TTC8: variants seen among roughly 807,000 people sequenced by gnomAD.
The protein encoded by TTC8 is tetratricopeptide repeat protein 8.
A neutral mutation model predicts 72.5 loss-of-function variants in TTC8; 47 were observed. The ratio of observed to expected loss-of-function variants is 0.65; its 90% confidence interval spans 0.51 to 0.83. The LOEUF (loss-of-function observed/expected upper bound fraction) is 0.83, where lower values mean the gene tolerates loss of function less well. Ranked by LOEUF, TTC8 falls within the 40% of genes least tolerant of loss-of-function variation. The pLI is 0.00. For missense variants in TTC8, 611 were observed against 623.2 expected (o/e 0.98, Z 0.21); for synonymous variants, 199 against 221.4 (o/e 0.90, Z 0.90).
At chr14:88,833,938 T>G in intron 2 of TTC8, 1 of 574,168 alleles carries the variant, frequency 1.7e-6, no homozygotes, top group Non-Finnish European at 3.1e-6. Context: ...AATAATGCAG[T>G]CTACTCATTG....
chr14:88,837,106 G>A (rs1326357847), intron 2 of TTC8: 1 of 233,032 alleles, frequency 4.3e-6, no homozygotes, highest in Non-Finnish European at 8.7e-6. Context: ...ATTTAGGTAG[G>A]ACTCCAAATC....
At chr14:88,833,620 T>A in intron 1 of TTC8, 73 bp from the exon 2 acceptor site, 1 of 1,356,550 alleles carries the variant, frequency 7.4e-7, no homozygotes, top group South Asian at 1.2e-5. Context: ...AAATACTTGG[T>A]TGGTCCTTAG....
intron 1 of TTC8, among the ~76,000 whole-genome samples, chr14:88,833,256 C>T (rs950056977): frequency 7.9e-5 from 12 of 151,664 alleles, no homozygotes; most frequent in African/African-American, 2.9e-4. Flanking sequence ...ACAGAAAAAC[C>T]CAGATGCTGA....
At chr14:88,872,924 T>C (rs908834290) in intron 13 of TTC8, among the ~76,000 whole-genome samples, 1 of 152,180 alleles carries the variant, frequency 6.6e-6, no homozygotes, top group Non-Finnish European at 1.5e-5. Flanking sequence ...ACTGCTCTCA[T>C]CTCTTGCATG....
intron 10 of TTC8, among the ~76,000 whole-genome samples, chr14:88,868,722 G>A (rs2094921336): frequency 6.6e-6 from 1 of 152,184 alleles, no homozygotes; most frequent in South Asian, 2.1e-4. Context: ...ACTCTTGGGA[G>A]CATGGTGAAC....
At chr14:88,881,047 G>T (rs1200662613), downstream of TTC8, 1 of 151,964 alleles carries the variant, frequency 6.6e-6, no homozygotes, top group African/African-American at 2.4e-5. Context: ...CTTGAGAGTA[G>T]TGTGGCAAAT....
intron 10 of TTC8, among the ~76,000 whole-genome samples, chr14:88,866,415 G>GCA (rs67383233): frequency 0.012 from 1,210 of 99,740 alleles, 22 homozygotes; most frequent in African/African-American, 0.038. Flanking sequence ...ACACACACAC[G>GCA]CACACACAAA....
At chr14:88,868,720 G>A (rs1660422200) in intron 10 of TTC8, among the ~76,000 whole-genome samples, 1 of 152,148 alleles carries the variant, frequency 6.6e-6, no homozygotes. Context: ...TTACTCTTGG[G>A]AGCATGGTGA....
chr14:88,841,422 T>C lies in TTC8; in HGVS notation c.490-3T>C. On this transcript the variant is annotated splice_region_variant and splice_polypyrimidine_tract_variant and intron_variant, in intron 5 of 14. Coordinates refer to ENST00000380656, the MANE Select transcript of TTC8 (RefSeq NM_144596.4). ...CTCTTGGTCTATTGTTTTTCCTCTG[T>C]AGGCTTCCATGCTTACAAGTCCTGA... 6.2e-7 allele frequency: 1 copy of C among 1,613,584 alleles called. No individual in the cohort carries two copies. The highest frequency in any genetic ancestry group is 8.5e-7 in the Non-Finnish European group (1 of 1,179,670).
At chr14:88,845,148 C>T (rs191438834) in intron 7 of TTC8, among the ~76,000 whole-genome samples, 2 of 152,176 alleles carry the variant, frequency 1.3e-5, no homozygotes, top group East Asian at 1.9e-4. Flanking sequence ...ATGGAATGAT[C>T]ACTAAATCGT....
At chr14:88,826,750 A>G (rs1336089946) in intron 1 of TTC8, among the ~76,000 whole-genome samples, 1 of 152,194 alleles carries the variant, frequency 6.6e-6, no homozygotes, top group Non-Finnish European at 1.5e-5. Context: ...TGTTCTAGGC[A>G]CAATGGTTTG....
chr14:88,857,389 A>G lies in TTC8; in HGVS notation c.798+112A>G, dbSNP rs535029007. 1.1e-4 allele frequency: 107 copies of G among 939,634 alleles called. 1 individual carries two copies. The African/African-American group carries it at 1.5e-3, about 13-fold the overall frequency. The allele number at this position is 939,634 out of a possible 1,614,324, so 58.2% of individuals were successfully genotyped here. On this transcript the variant is annotated intron_variant, in intron 9 of 14. Transcript: ENST00000380656. ...CTTCAGGAATATTTGGCAAGTTACT[A>G]TGTTTAGATTTAACTTGTTTTTCTT...
At chr14:88,837,822 A>AT (rs900941002) in intron 2 of TTC8, among the ~76,000 whole-genome samples, 2 of 151,656 alleles carry the variant, frequency 1.3e-5, no homozygotes, top group African/African-American at 4.8e-5. Flanking sequence ...AAAACCTGAG[A>AT]TTTTTTTTCT....
intron 11 of TTC8, among the ~76,000 whole-genome samples, chr14:88,870,936 C>T (rs2094931039): frequency 6.6e-6 from 1 of 152,202 alleles, no homozygotes; most frequent in African/African-American, 2.4e-5. Context: ...GCTGGATTTT[C>T]ATTTGCTCAT....
intron 10 of TTC8, among the ~76,000 whole-genome samples, chr14:88,866,535 A>T (rs1385157174): frequency 1.3e-5 from 2 of 151,926 alleles, no homozygotes; most frequent in African/African-American, 4.8e-5. Flanking sequence ...GTGGCCATTG[A>T]CCCTCTCTGT....
intron 4 of TTC8, 49 bp downstream of exon 4, chr14:88,840,977 G>A (rs752558379): frequency 1.9e-5 from 30 of 1,613,338 alleles, no homozygotes; most frequent in Non-Finnish European, 2.4e-5. Flanking sequence ...TGATCAGACT[G>A]TATGAGAGTC....
chr14:88,835,235 G>T (rs1023159524), intron 2 of TTC8, among the ~76,000 whole-genome samples: 7 of 152,152 alleles, frequency 4.6e-5, no homozygotes, highest in African/African-American at 1.4e-4. Context: ...TACTGGCCTT[G>T]CATTCTGTAT....
intron 10 of TTC8, among the ~76,000 whole-genome samples, chr14:88,866,906 A>C (rs1285931996): frequency 2.0e-5 from 3 of 152,212 alleles, no homozygotes; most frequent in Non-Finnish European, 4.4e-5. Flanking sequence ...AACAGACAAA[A>C]AATATGAATT....
intron 10 of TTC8, among the ~76,000 whole-genome samples, chr14:88,865,439 T>C (rs1266934615): frequency 6.6e-6 from 1 of 152,174 alleles, no homozygotes; most frequent in Non-Finnish European, 1.5e-5. Context: ...GATGCAGAGG[T>C]GGGCAGATCA....
Sources: gnomAD v4.1 joint callset for allele counts (sites outside exome capture counted in the v4.1 genomes callset) on GRCh38, gnomAD v4.1.1 for gene constraint, MANE v1.5 for transcripts, NCBI Gene and HGNC (gene_info 2026-07-23, HGNC 2026-07-21) for gene names.